The following RACK1 variants were observed in gnomAD, a reference collection of about 807,000 sequenced individuals.
RACK1 encodes receptor for activated C kinase 1.
A neutral mutation model predicts 42.2 loss-of-function variants in RACK1; 3 were observed. The observed-to-expected ratio is 0.07, with a 90% CI of 0.03 to 0.18. The LOEUF is 0.18. Ranked by LOEUF, RACK1 falls within the 10% of genes least tolerant of loss-of-function variation. The pLI, the probability that RACK1 is intolerant of heterozygous loss-of-function variation, is 1.00. For synonymous variants in RACK1, 181 were observed against 154.8 expected, an observed-to-expected ratio of 1.17 and a Z score of -1.25; for missense variants, 146 against 403.2, an observed-to-expected ratio of 0.36 and a Z score of 5.46.
In RACK1 at chr5:181,236,946, T is replaced by TG; in HGVS notation, c.*30_*31insC. 6.4e-7 allele frequency: 1 copy of TG among 1,566,648 alleles called. No homozygotes were observed. Among genetic ancestry groups the TG allele is most frequent in the East Asian group, 2.2e-5 (1 of 44,478 alleles). ...CCTAAAAGTCAGAAAAGCCAGTTTT[T>TG]TTTTTATTTGTAAAGCTCTGCCATA... On this transcript the variant is annotated 3_prime_UTR_variant, in exon 8 of 8. Coordinates refer to ENST00000512805, the MANE Select transcript of RACK1 (RefSeq NM_006098.5).
chr5:181,238,393 T>TA, intron 5 of RACK1, 154 bp from the exon 6 acceptor site: 1 of 721,126 alleles, frequency 1.4e-6, no homozygotes, highest in South Asian at 1.8e-5. Context: ...TTTATCTCTG[T>TA]ATACCTTTCC....
chr5:181,243,677 T>C lies in RACK1; in HGVS notation c.109+15A>G. Reference sequence around the variant, plus strand: ...CCCTGCAATCTCGGGTCCTGAAATCTACCTTAGTCCGTACCTCGAGAGGCG... The same window carrying C: ...CCCTGCAATCTCGGGTCCTGAAATCCACCTTAGTCCGTACCTCGAGAGGCG... On this transcript the variant is annotated intron_variant, in intron 1 of 7. Transcript: ENST00000512805. The C allele has an allele frequency of 6.3e-7, 1 of 1,582,748 alleles. No homozygotes were observed. Among genetic ancestry groups the C allele is most frequent in the East Asian group, 2.3e-5 (1 of 43,450 alleles).
intron 1 of RACK1, chr5:181,243,155 G>A (rs897425138): frequency 2.9e-6 from 2 of 693,776 alleles, no homozygotes; most frequent in South Asian, 1.5e-5. Context: ...ATTCTTAACA[G>A]TGTAGCAGCA....
chr5:181,237,156 C>A, intron 7 of RACK1, 114 bp from the exon 8 acceptor site: 1 of 1,553,192 alleles, frequency 6.4e-7, no homozygotes, highest in Non-Finnish European at 8.7e-7. Context: ...ATTGTCTAGG[C>A]TGGAGTGCAG....
chr5:181,238,449 T>G, intron 5 of RACK1: 1 of 540,644 alleles, frequency 1.8e-6, no homozygotes, highest in South Asian at 2.2e-5. Context: ...CCCTCCCAAC[T>G]TACATAAATC....
At chr5:181,243,283 T>C (rs1348069438) in intron 1 of RACK1, 7 of 1,356,838 alleles carry the variant, frequency 5.2e-6, no homozygotes, top group South Asian at 3.4e-5. Flanking sequence ...GGAGTCCACC[T>C]GCCTCCCCAC....
Position 181,236,911 on chromosome 5 carries a change from GA to G in RACK1, c.*65del, listed in dbSNP as rs201701436. ...TAGAATGGAGCTTTTTTGCATATAA[GA>G]AAAAAAAACCTAAAAGTCAGAAAAG... On this transcript the variant is annotated 3_prime_UTR_variant, in exon 8 of 8. Transcript: ENST00000512805. The G allele has an allele frequency of 1.7e-5, 26 of 1,493,478 alleles. No individual in the cohort carries two copies. Among genetic ancestry groups the G allele is most frequent in the Admixed American group, 4.8e-5 (2 of 41,408 alleles). The allele number at this position is 1,493,478 out of a possible 1,614,324, so 92.5% of individuals were successfully genotyped here.
At position 181,239,913 on chromosome 5, in the gene RACK1, C is replaced by T. The variant is rs559630682; in HGVS notation, c.430-331G>A. On this transcript the variant is annotated intron_variant, in intron 3 of 7. Transcript: ENST00000512805. ...TACAAAAATTAACCAGGTGTGGCGG[C>T]GGGTGCCTGTAATCCCAGCTACTGG... 3.9e-5 allele frequency among the ~76,000 whole-genome samples: 6 copies of T among 152,010 alleles called. No homozygotes were observed. In the East Asian group the frequency reaches 9.7e-4, roughly 25 times the overall value.
Position 181,241,656 on chromosome 5 carries a change from T to C in RACK1, c.282-17A>G, listed in dbSNP as rs1253777237. On this transcript the variant is annotated splice_polypyrimidine_tract_variant and intron_variant, in intron 2 of 7. Transcript: ENST00000512805. ...GTGGTGCCCCTGAGAGGGAGGAGTT[T>C]GTCATTCTCAGACTTAGCAAACACT... 6.2e-7 allele frequency: 1 copy of C among 1,613,612 alleles called. No individual in the cohort carries two copies. Among genetic ancestry groups the C allele is most frequent in the East Asian group, 2.2e-5 (1 of 44,872 alleles).
rs775593812 is a variant in RACK1 at position 181,239,541 on chromosome 5, C to T, written c.471G>A (p.Ser157=). 24 of 1,613,744 alleles carry T rather than the reference C, an allele frequency of 1.5e-5. No homozygotes were observed. Among genetic ancestry groups the T allele is most frequent in the Admixed American group, 3.3e-5 (2 of 59,976 alleles). The stretch of plus-strand genomic sequence containing the variant: ...CGATGATAGGGTTGCTGCTGTTGGG[C>T]GAGAAGCGGACACAAGACACCCACT... The part of the protein sequence containing the change: ...HSEWVSCVRF[S]PNSSNPIIVS... Residue 157 remains serine (S), a synonymous_variant, in exon 4 of 8, where the codon TCG becomes TCA. Transcript: ENST00000512805.
intron 1 of RACK1, chr5:181,243,323 C>T: frequency 7.3e-7 from 1 of 1,364,800 alleles, no homozygotes; most frequent in Non-Finnish European, 9.7e-7. Flanking sequence ...AGCTCAGAAA[C>T]AGCCTCTGGA....
At chr5:181,237,346 G>A in intron 7 of RACK1, 2 of 708,324 alleles carry the variant, frequency 2.8e-6, no homozygotes, top group Non-Finnish European at 2.6e-6. Flanking sequence ...CTGGTGATAA[G>A]GCTCCAGACA....
intron 2 of RACK1, 189 bp from the exon 3 acceptor site, chr5:181,241,828 T>C (rs1452188447): frequency 1.3e-6 from 1 of 790,698 alleles, no homozygotes; most frequent in Non-Finnish European, 2.3e-6. Context: ...CCTTCAGAAT[T>C]GCAGGACATG....
rs1461912363 is a variant in RACK1 at position 181,239,393 on chromosome 5, G to C, written c.525+94C>G. ...TGTGACAAGAGAAAGAGTCAACTGA[G>C]GGCATCTGCAAAGCTTTCCACAGGA... is the stretch of plus-strand genomic sequence containing the variant. On this transcript the variant is annotated intron_variant, in intron 4 of 7. Coordinates refer to ENST00000512805, the MANE Select transcript of RACK1 (RefSeq NM_006098.5). The C allele has an allele frequency of 3.4e-6, 3 of 879,688 alleles. No individual in the cohort carries two copies. The South Asian group carries it at 4.0e-5, about 12-fold the overall frequency. The allele number at this position is 879,688 out of a possible 1,614,324, so 54.5% of individuals were successfully genotyped here. A position where few individuals can be genotyped will look rare whatever the true frequency, so the allele number is the denominator to read the frequency against.
At chr5:181,239,276 ATTTCT>A in intron 4 of RACK1, 99 bp from the exon 5 acceptor site, 2 of 834,680 alleles carry the variant, frequency 2.4e-6, no homozygotes, top group Non-Finnish European at 4.2e-6. Context: ...TACGGTAGCC[ATTTCT>A]CATTCAGTAA....
chr5:181,240,304 G>A (rs1042538218), intron 3 of RACK1: 3 of 156,376 alleles, frequency 1.9e-5, no homozygotes, highest in South Asian at 1.6e-4. Context: ...GCAGTGAGCC[G>A]AGATCGCACT....
At chr5:181,237,240 G>C (rs1759172201) in intron 7 of RACK1, 198 bp from the exon 8 acceptor site, 1 of 1,049,142 alleles carries the variant, frequency 9.5e-7, no homozygotes, top group Non-Finnish European at 1.4e-6. Flanking sequence ...CCTCCAGTAG[G>C]CATGTGCCAC....
chr5:181,237,099 T>C, intron 7 of RACK1, 57 bp from the exon 8 acceptor site: 1 of 1,608,560 alleles, frequency 6.2e-7, no homozygotes, highest in Non-Finnish European at 8.5e-7. Flanking sequence ...GCAGTCTCAC[T>C]AGATTCAGCC....
Position 181,242,154 on chromosome 5 carries a change from C to G in RACK1, c.281+20G>C. On this transcript the variant is annotated intron_variant, in intron 2 of 7. Coordinates refer to ENST00000512805, the MANE Select transcript of RACK1 (RefSeq NM_006098.5). Reference sequence around the variant, plus strand: ...CCAGATTCTTCCCAAGGCCCCAGAGCTAAGTGAGCAGCTACTTGCGTTGTG... The same window carrying G: ...CCAGATTCTTCCCAAGGCCCCAGAGGTAAGTGAGCAGCTACTTGCGTTGTG... The G allele has an allele frequency of 6.2e-7, 1 of 1,603,668 alleles. No homozygotes were observed. The highest frequency in any genetic ancestry group is 8.5e-7 in the Non-Finnish European group (1 of 1,174,386).
Sources: gnomAD v4.1 joint callset for allele counts (sites outside exome capture counted in the v4.1 genomes callset) on GRCh38, gnomAD v4.1.1 for gene constraint, MANE v1.5 for transcripts, NCBI Gene and HGNC (gene_info 2026-07-23, HGNC 2026-07-21) for gene names.